Variants in PIK3R3 observed in about 807,000 individuals in gnomAD.
PIK3R3 encodes phosphatidylinositol 3-kinase regulatory subunit gamma.
PIK3R3 carries 64 observed loss-of-function variants against 62.9 expected under a neutral mutation model. That is an observed-to-expected ratio of 1.02 (90% CI 0.83 to 1.25). PIK3R3 has a LOEUF of 1.25. PIK3R3 is among the 50% of genes most tolerant of loss of function. The probability of loss-of-function intolerance (pLI) is 0.00; values close to 1 mark genes in which losing one functional copy is unlikely to be tolerated. For synonymous variants in PIK3R3, 165 were observed against 189.0 expected, an observed-to-expected ratio of 0.87 and a Z score of 1.04; for missense variants, 614 against 561.6, an observed-to-expected ratio of 1.09 and a Z score of -0.94.
chr1:46,047,028 G>T (rs1292528309), intron 7 of PIK3R3: 1 of 181,036 alleles, frequency 5.5e-6, no homozygotes, highest in African/African-American at 2.3e-5. Context: ...CTACTGAATT[G>T]AGTTTAATAT....
intron 1 of PIK3R3, chr1:46,105,124 G>A: frequency 1.4e-6 from 1 of 714,202 alleles, no homozygotes; most frequent in South Asian, 1.4e-5. Flanking sequence ...GAATAGAATG[G>A]AACCTGTCCC....
the PIK3R3 span, among the ~76,000 whole-genome samples, chr1:46,140,993 T>C: frequency 6.6e-6 from 1 of 152,074 alleles, no homozygotes; most frequent in South Asian, 2.1e-4. Flanking sequence ...CCTGAGTAAC[T>C]GGGATCACAG....
At chr1:46,121,912 A>G (rs1457427710) in intron 1 of PIK3R3, among the ~76,000 whole-genome samples, 1 of 151,922 alleles carries the variant, frequency 6.6e-6, no homozygotes, top group Non-Finnish European at 1.5e-5. Flanking sequence ...GGCTGGACGT[A>G]GCCTACTGCC....
At chr1:46,161,538 C>T in the PIK3R3 span, among the ~76,000 whole-genome samples, 2 of 152,146 alleles carry the variant, frequency 1.3e-5, no homozygotes, top group Non-Finnish European at 2.9e-5. Flanking sequence ...TATTTTGATC[C>T]TCTGATCCAG....
intron 1 of PIK3R3, among the ~76,000 whole-genome samples, chr1:46,081,079 G>T (rs917729356): frequency 6.6e-6 from 1 of 152,016 alleles, no homozygotes; most frequent in Non-Finnish European, 1.5e-5. Flanking sequence ...ACAACATGAG[G>T]ATTATAGTTA....
At chr1:46,136,070 C>CT (rs571080588), upstream of PIK3R3, among the ~76,000 whole-genome samples, 4,495 of 124,174 alleles carry the variant, frequency 0.036, 292 homozygotes, top group African/African-American at 0.12. Flanking sequence ...TGGAAATATA[C>CT]TTTTTTTTTT....
chr1:46,123,688 T>G (rs183715956), intron 1 of PIK3R3, among the ~76,000 whole-genome samples: 1 of 152,354 alleles, frequency 6.6e-6, no homozygotes, highest in Non-Finnish European at 1.5e-5. Context: ...CAGATGGACC[T>G]GCTCTGCTAC....
Position 46,132,114 on chromosome 1 carries a change from T to G in PIK3R3, c.-162A>C. 1 of 1,414,070 alleles carries G rather than the reference T, an allele frequency of 7.1e-7. No homozygotes were observed. Among genetic ancestry groups the G allele is most frequent in the African/African-American group, 1.4e-5 (1 of 69,120 alleles). 87.6% of individuals were successfully genotyped at this position (1,414,070 alleles called of 1,614,324 possible). On this transcript the variant is annotated 5_prime_UTR_variant, in exon 1 of 10. Coordinates refer to ENST00000262741, the MANE Select transcript of PIK3R3 (RefSeq NM_003629.4). ...GTCCGGCCAAACTACCCGAACAGGG[T>G]CCTCCCCCTCTCTCCTACAGAACAC...
At chr1:46,132,829 C>T (rs149107405), upstream of PIK3R3, 125 of 1,214,840 alleles carry the variant, frequency 1.0e-4, no homozygotes, top group East Asian at 1.4e-3. Context: ...AAGCTGCTCT[C>T]CATCTCGACT....
chr1:46,070,295 T>C (rs555260866), intron 3 of PIK3R3, among the ~76,000 whole-genome samples: 82 of 152,308 alleles, frequency 5.4e-4, no homozygotes, highest in African/African-American at 2.0e-3. Flanking sequence ...AAGCAGACCC[T>C]GGACAAGGAC....
chr1:46,102,968 T>TA (rs1652848228), intron 1 of PIK3R3, among the ~76,000 whole-genome samples: 2 of 152,112 alleles, frequency 1.3e-5, no homozygotes, highest in African/African-American at 2.4e-5. Context: ...GGTATATACA[T>TA]AAAGGGAATA....
intron 1 of PIK3R3, among the ~76,000 whole-genome samples, chr1:46,125,099 CA>C (rs1409205012): frequency 6.6e-6 from 1 of 150,714 alleles, no homozygotes. Flanking sequence ...GACTTTGTCT[CA>C]AAAAAAATTT....
intron 1 of PIK3R3, among the ~76,000 whole-genome samples, chr1:46,127,359 AT>A (rs1655187015): frequency 1.5e-5 from 2 of 133,556 alleles, no homozygotes; most frequent in African/African-American, 6.3e-5. Flanking sequence ...AAAAAAAAAT[AT>A]ATATATATAT....
chr1:46,155,162 A>T, the PIK3R3 span, among the ~76,000 whole-genome samples: 1 of 152,010 alleles, frequency 6.6e-6, no homozygotes, highest in East Asian at 1.9e-4. Context: ...TCTACAAAAA[A>T]TACAAAAAAT....
chr1:46,103,846 G>A (rs974497266), intron 1 of PIK3R3, among the ~76,000 whole-genome samples: 6 of 151,316 alleles, frequency 4.0e-5, no homozygotes, highest in African/African-American at 4.8e-5. Context: ...CACCTGCCTC[G>A]GCCTCCCAAA....
chr1:46,079,691 C>T (rs1650392262), intron 2 of PIK3R3, among the ~76,000 whole-genome samples: 2 of 152,182 alleles, frequency 1.3e-5, no homozygotes, highest in South Asian at 4.1e-4. Flanking sequence ...CAGTGGCTTA[C>T]ACCTGTAATC....
At chr1:46,169,723 G>A in the PIK3R3 span, among the ~76,000 whole-genome samples, 4 of 152,204 alleles carry the variant, frequency 2.6e-5, no homozygotes, top group African/African-American at 9.7e-5. Flanking sequence ...AGACAGCTGA[G>A]CAAGAAGACC....
chr1:46,145,371 TA>T, the PIK3R3 span, among the ~76,000 whole-genome samples: 121,494 of 149,868 alleles, frequency 0.81, 49,514 homozygotes, highest in Non-Finnish European at 0.86. Flanking sequence ...GATAACTTTT[TA>T]AAAAAAAAAA....
At chr1:46,050,489 C>G (rs1011002540) in intron 7 of PIK3R3, among the ~76,000 whole-genome samples, 4 of 151,124 alleles carry the variant, frequency 2.6e-5, no homozygotes, top group African/African-American at 9.7e-5. Context: ...TGCTTGAACC[C>G]AGGAGGCAGA....
Sources: gnomAD v4.1 joint callset for allele counts (sites outside exome capture counted in the v4.1 genomes callset) on GRCh38, gnomAD v4.1.1 for gene constraint, MANE v1.5 for transcripts, NCBI Gene and HGNC (gene_info 2026-07-23, HGNC 2026-07-21) for gene names.